The following TNRC6B variants were observed in gnomAD, a reference collection of about 807,000 sequenced individuals.
The protein encoded by TNRC6B is trinucleotide repeat-containing gene 6B protein.
TNRC6B carries 52 observed loss-of-function variants against 203.6 expected under a neutral mutation model. The ratio of observed to expected loss-of-function variants is 0.26; its 90% confidence interval spans 0.20 to 0.32. The LOEUF (loss-of-function observed/expected upper bound fraction) is 0.32. Ranked by LOEUF, TNRC6B falls within the 10% of genes least tolerant of loss-of-function variation. The pLI is 1.00. For synonymous variants in TNRC6B, 838 were observed against 845.7 expected (o/e 0.99, Z 0.16); for missense variants, 1,923 against 2,286.2 (o/e 0.84, Z 3.24).
At chr22:40,196,561 C>A (rs183585940) in intron 1 of TNRC6B, among the ~76,000 whole-genome samples, 1 of 151,730 alleles carries the variant, frequency 6.6e-6, no homozygotes, top group African/African-American at 2.4e-5. Flanking sequence ...TTGTTCATTT[C>A]TTTCTCCTAG....
At chr22:40,293,687 C>T (rs1447893595) in intron 12 of TNRC6B, among the ~76,000 whole-genome samples, 1 of 152,052 alleles carries the variant, frequency 6.6e-6, no homozygotes, top group East Asian at 1.9e-4. Context: ...CCCATGCTTG[C>T]TCCTTGTCTG....
At chr22:40,208,320 A>G (rs1379541630) in intron 1 of TNRC6B, among the ~76,000 whole-genome samples, 2 of 152,156 alleles carry the variant, frequency 1.3e-5, no homozygotes, top group African/African-American at 4.8e-5. Context: ...TACCCCACAG[A>G]AGAGCTGTAT....
At chr22:40,058,255 G>A (rs1266969016) in intron 1 of TNRC6B, among the ~76,000 whole-genome samples, 1 of 152,206 alleles carries the variant, frequency 6.6e-6, no homozygotes, top group Middle Eastern at 3.4e-3. Context: ...AAACATAAAC[G>A]GTAAAAAAGG....
At chr22:40,216,579 T>TGGTGA (rs2069638004) in intron 1 of TNRC6B, among the ~76,000 whole-genome samples, 1 of 152,064 alleles carries the variant, frequency 6.6e-6, no homozygotes. Context: ...GTCACTGCAC[T>TGGTGA]CCAGCCTGGG....
chr22:40,193,335 T>C (rs774175044), intron 1 of TNRC6B, among the ~76,000 whole-genome samples: 1 of 152,164 alleles, frequency 6.6e-6, no homozygotes, highest in African/African-American at 2.4e-5. Context: ...AATGAATAAG[T>C]GAATCAAAGA....
chr22:40,192,446 G>A lies in TNRC6B; in HGVS notation c.5+14306G>A, dbSNP rs138642787. On this transcript the variant is annotated intron_variant, in intron 1 of 22. Coordinates refer to ENST00000454349, the MANE Select transcript of TNRC6B (RefSeq NM_001162501.2). ...AGCCTAGCCAACGTGGTGAAACCCC[G>A]TCTCTACTAAAAATACAAAAATTAG... 4.6e-3 allele frequency among the ~76,000 whole-genome samples: 696 copies of A among 152,172 alleles called. 6 individuals are homozygous for A. Among genetic ancestry groups the A allele is most frequent in the African/African-American group, 0.015 (634 of 41,512 alleles).
At position 40,124,012 on chromosome 22, in the gene TNRC6B, AT is replaced by A. The variant is rs769738101; in HGVS notation, c.-46-1759del. ...ATGTGTTTTACAGAGAGGATGGGCA[AT>A]GTTGATTAAGCTGGGAGCAAGTGAA... On this transcript the variant is annotated intron_variant, in intron 2 of 23. Coordinates refer to the TNRC6B transcript ENST00000301923. Among the ~76,000 whole-genome samples, 19 of 152,204 alleles carry A rather than the reference AT, an allele frequency of 1.2e-4. 2 individuals carry two copies. The highest frequency in any genetic ancestry group is 9.8e-4 in the Admixed American group (15 of 15,290).
Position 40,122,404 on chromosome 22 carries a change from G to A in TNRC6B, c.-46-3368G>A, listed in dbSNP as rs922023127. Among the ~76,000 whole-genome samples the A allele has an allele frequency of 4.6e-5, 7 of 152,258 alleles. No homozygotes were observed. The South Asian group carries it at 1.5e-3, about 32-fold the overall frequency. On this transcript the variant is annotated intron_variant, in intron 2 of 23. Transcript: ENST00000301923. The stretch of plus-strand genomic sequence containing the variant: ...ATTGGAGAATGTGACACATCTACAG[G>A]CCAGTGAACTTAACACTGAACTTCA...
chr22:40,099,973 G>C (rs919153098), intron 1 of TNRC6B, among the ~76,000 whole-genome samples: 5 of 152,074 alleles, frequency 3.3e-5, no homozygotes, highest in African/African-American at 9.7e-5. Context: ...GGATGGTCTC[G>C]ATCTCCTGAC....
At chr22:40,070,147 A>G (rs1482835597) in intron 1 of TNRC6B, among the ~76,000 whole-genome samples, 1 of 152,048 alleles carries the variant, frequency 6.6e-6, no homozygotes, top group East Asian at 1.9e-4. Context: ...TTTCTCTAAG[A>G]GAGACATTTG....
intron 1 of TNRC6B, among the ~76,000 whole-genome samples, chr22:40,116,858 A>G (rs2068391850): frequency 6.6e-6 from 1 of 152,186 alleles, no homozygotes; most frequent in East Asian, 1.9e-4. Context: ...AAACTTCAAA[A>G]GAACCCTATG....
At position 40,219,530 on chromosome 22, in the gene TNRC6B, A is replaced by G. The variant is rs1015171850; in HGVS notation, c.6-26485A>G. Reference sequence around the variant, plus strand: ...CCCTCCCTCCCGGTCTGTATGGTTCAGGCATTCACCGTGCCCCTCACGCCA... The same window carrying G: ...CCCTCCCTCCCGGTCTGTATGGTTCGGGCATTCACCGTGCCCCTCACGCCA... On this transcript the variant is annotated intron_variant, in intron 1 of 22. Transcript: ENST00000454349. Among the ~76,000 whole-genome samples, 40 of 152,152 alleles carry G rather than the reference A, an allele frequency of 2.6e-4. 1 individual carries two copies. The highest frequency in any genetic ancestry group is 5.6e-4 in the Non-Finnish European group (38 of 68,024).
intron 1 of TNRC6B, among the ~76,000 whole-genome samples, chr22:40,109,687 G>A (rs940020941): frequency 6.6e-6 from 1 of 152,192 alleles, no homozygotes; most frequent in Non-Finnish European, 1.5e-5. Context: ...TAAGTGTAAA[G>A]GGATCCTGAG....
At chr22:40,220,419 G>A (rs1165926580) in intron 1 of TNRC6B, among the ~76,000 whole-genome samples, 1 of 152,164 alleles carries the variant, frequency 6.6e-6, no homozygotes, top group Non-Finnish European at 1.5e-5. Context: ...CCACCCCATT[G>A]GGGTGCCTTT....
exon 2 of TNRC6B, chr22:40,117,074 G>C (rs1375500044): frequency 6.6e-6 from 1 of 152,572 alleles, no homozygotes; most frequent in Non-Finnish European, 1.5e-5. Flanking sequence ...TTTTTGCACT[G>C]AATGTAACCT....
chr22:40,282,083 A>G (rs886533518), intron 11 of TNRC6B, among the ~76,000 whole-genome samples: 1 of 152,220 alleles, frequency 6.6e-6, no homozygotes, highest in African/African-American at 2.4e-5. Context: ...TACTTCTGTG[A>G]CCACTTACTT....
At chr22:40,046,427 C>T (rs988877215) in intron 1 of TNRC6B, among the ~76,000 whole-genome samples, 5 of 152,140 alleles carry the variant, frequency 3.3e-5, no homozygotes, top group African/African-American at 1.2e-4. Flanking sequence ...CCACGTGGGA[C>T]GTGGTGATGA....
intron 1 of TNRC6B, among the ~76,000 whole-genome samples, chr22:40,103,647 A>G (rs976702473): frequency 6.7e-6 from 1 of 148,764 alleles, no homozygotes; most frequent in Non-Finnish European, 1.5e-5. Flanking sequence ...TTTTTTCTTT[A>G]TTTTTTACCT....
chr22:40,211,658 C>T (rs1184203751), intron 1 of TNRC6B, among the ~76,000 whole-genome samples: 5 of 152,134 alleles, frequency 3.3e-5, no homozygotes, highest in African/African-American at 1.2e-4. Context: ...TGCGGACGTG[C>T]TTGCATGTGC....
Sources: gnomAD v4.1 joint callset for allele counts (sites outside exome capture counted in the v4.1 genomes callset) on GRCh38, gnomAD v4.1.1 for gene constraint, MANE v1.5 for transcripts, NCBI Gene and HGNC (gene_info 2026-07-23, HGNC 2026-07-21) for gene names.